PDCD6IP: variants seen among roughly 807,000 people sequenced by gnomAD.
PDCD6IP encodes programmed cell death 6-interacting protein.
PDCD6IP carries 43 observed loss-of-function variants against 103.7 expected under a neutral mutation model. The observed-to-expected ratio is 0.41, with a 90% CI of 0.32 to 0.53. The LOEUF (loss-of-function observed/expected upper bound fraction) is 0.53. Ranked by LOEUF, PDCD6IP falls within the 20% of genes least tolerant of loss-of-function variation. The pLI is 0.16. For synonymous variants in PDCD6IP, 354 were observed against 378.7 expected, an observed-to-expected ratio of 0.93 and a Z score of 0.76; for missense variants, 871 against 1,036.7, an observed-to-expected ratio of 0.84 and a Z score of 2.20.
chr3:33,827,317 C>T (rs1697148926), intron 6 of PDCD6IP: 1 of 585,298 alleles, frequency 1.7e-6, no homozygotes, highest in Admixed American at 6.3e-5. Flanking sequence ...GAATTAGTTT[C>T]ATCATATGGT....
chr3:33,834,054 A>C (rs1326392871), intron 7 of PDCD6IP, among the ~76,000 whole-genome samples: 2 of 152,008 alleles, frequency 1.3e-5, no homozygotes, highest in Non-Finnish European at 2.9e-5. Flanking sequence ...GCATTTTCTG[A>C]GTGCTTATGC....
rs143251497 is a variant in PDCD6IP at position 33,839,768 on chromosome 3, A to G, written c.1181+1441A>G. The stretch of plus-strand genomic sequence containing the variant: ...TTCTGCATCCTCACCAATACTTGGT[A>G]TGTCAGTCTTTTTAGTTTTAGCTAC... On this transcript the variant is annotated intron_variant, in intron 9 of 17. Transcript: ENST00000307296. Among the ~76,000 whole-genome samples, 578 of 152,314 alleles carry G rather than the reference A, an allele frequency of 3.8e-3. 2 individuals carry two copies. The highest frequency in any genetic ancestry group is 0.013 in the African/African-American group (544 of 41,572).
intron 6 of PDCD6IP, chr3:33,827,263 G>A (rs985399926): frequency 5.3e-5 from 48 of 910,674 alleles, no homozygotes; most frequent in African/African-American, 7.2e-5. Flanking sequence ...CTTAAAGATT[G>A]AGTGAAATAT....
intron 17 of PDCD6IP, 103 bp from the exon 18 acceptor site, chr3:33,866,248 A>C: frequency 3.9e-6 from 3 of 769,704 alleles, no homozygotes. Context: ...ATAGACTAAA[A>C]AATAGAAATG....
At chr3:33,827,197 C>T in intron 6 of PDCD6IP, 1 of 980,508 alleles carries the variant, frequency 1.0e-6, no homozygotes, top group African/African-American at 1.7e-5. Flanking sequence ...CAGTGATGAT[C>T]ATTTGTTAAT....
Position 33,867,581 on chromosome 3 carries a change from A to T in PDCD6IP, c.*1056A>T, listed in dbSNP as rs1041523913. ...GTATTTTATAATTCAAGGAGCATAC[A>T]AAACAATGGTTGGGAACATATGCCA... On this transcript the variant is annotated 3_prime_UTR_variant, in exon 18 of 18. Coordinates refer to ENST00000307296, the MANE Select transcript of PDCD6IP (RefSeq NM_013374.6). 1 of 152,350 alleles carries T rather than the reference A, an allele frequency of 6.6e-6. No homozygotes were observed. Among genetic ancestry groups the T allele is most frequent in the East Asian group, 1.9e-4 (1 of 5,188 alleles). 9.4% of individuals were successfully genotyped at this position (152,350 alleles called of 1,614,324 possible). A position where few individuals can be genotyped will look rare whatever the true frequency, so the allele number is the denominator to read the frequency against.
chr3:33,840,039 A>G (rs1280508953), intron 9 of PDCD6IP, among the ~76,000 whole-genome samples: 1 of 152,160 alleles, frequency 6.6e-6, no homozygotes, highest in Non-Finnish European at 1.5e-5. Flanking sequence ...CCTGAACAAC[A>G]TGGGGTTATG....
rs774172110 is a variant in PDCD6IP, at chr3:33,852,674, G to A, written c.1828G>A (p.Gly610Ser). Residue 610 changes from glycine to serine, a missense_variant, in exon 13 of 18, where the codon GGT (glycine) becomes AGT (serine). This residue lies in a region of PDCD6IP where 266 missense variants were observed against 390.5 expected (regional missense o/e 0.68). Coordinates refer to ENST00000307296, the MANE Select transcript of PDCD6IP (RefSeq NM_013374.6). ...TACTGAACTAGATCGAGTCTATGGA[G>A]GTCTTACAACTAAAGTCCAAGAATC... ...SVTELDRVYG[G>S]LTTKVQESLK... 2.5e-6 allele frequency: 4 copies of A among 1,588,262 alleles called. No individual in the cohort carries two copies. Among genetic ancestry groups the A allele is most frequent in the Non-Finnish European group, 3.4e-6 (4 of 1,173,412 alleles).
At chr3:33,835,355 C>T (rs972423813) in intron 7 of PDCD6IP, 3 of 453,132 alleles carry the variant, frequency 6.6e-6, no homozygotes, top group African/African-American at 2.0e-5. Flanking sequence ...GGTTTCCAGA[C>T]CCTTGTTTCA....
intron 1 of PDCD6IP, 128 bp downstream of exon 1, chr3:33,799,065 G>A: frequency 1.1e-6 from 1 of 893,540 alleles, no homozygotes; most frequent in Non-Finnish European, 1.7e-6. Flanking sequence ...GACCAGGCGC[G>A]TAGGTGTGGT....
chr3:33,861,379 G>C (rs549038053), intron 15 of PDCD6IP, among the ~76,000 whole-genome samples: 7 of 152,208 alleles, frequency 4.6e-5, no homozygotes, highest in African/African-American at 1.2e-4. Context: ...CTGACCTCCT[G>C]ATCCACCCGC....
At chr3:33,859,912 G>A (rs775901290) in intron 15 of PDCD6IP, among the ~76,000 whole-genome samples, 1 of 152,140 alleles carries the variant, frequency 6.6e-6, no homozygotes, top group Non-Finnish European at 1.5e-5. Context: ...CAGTAAAAAA[G>A]TAGAAACAAA....
intron 1 of PDCD6IP, among the ~76,000 whole-genome samples, chr3:33,807,557 CT>C (rs34521356): frequency 0.18 from 27,103 of 152,168 alleles, 2,799 homozygotes; most frequent in East Asian, 0.39. Flanking sequence ...CTACGGCCCC[CT>C]GGGGCAGGTG....
intron 11 of PDCD6IP, among the ~76,000 whole-genome samples, chr3:33,844,506 G>A (rs1292734554): frequency 6.6e-6 from 1 of 151,944 alleles, no homozygotes; most frequent in Non-Finnish European, 1.5e-5. Context: ...TTTGAGACAA[G>A]GTCTCGCTGT....
At position 33,845,470 on chromosome 3, in the gene PDCD6IP, A is replaced by G. The variant is rs200000172; in HGVS notation, c.1523A>G (p.Gln508Arg). The G allele has an allele frequency of 3.0e-5, 49 of 1,613,878 alleles. No homozygotes were observed. The Admixed American group carries it at 8.2e-4, about 27-fold the overall frequency. Reference sequence around the variant, plus strand: ...GATAAAGCTGTGCAGGCAGATGGACAAGTGAAAGAATGTTACCAGTCTCAT... The same window carrying G: ...GATAAAGCTGTGCAGGCAGATGGACGAGTGAAAGAATGTTACCAGTCTCAT... The part of the protein sequence containing the change: ...VLDKAVQADG[Q>R]VKECYQSHRD... Residue 508 changes from glutamine (Q) to arginine (R), a missense_variant, in exon 12 of 18, where the codon CAA becomes CGA. Coordinates refer to ENST00000307296, the MANE Select transcript of PDCD6IP (RefSeq NM_013374.6).
At chr3:33,840,513 A>T (rs1697445064) in intron 9 of PDCD6IP, among the ~76,000 whole-genome samples, 1 of 152,226 alleles carries the variant, frequency 6.6e-6, no homozygotes, top group African/African-American at 2.4e-5. Context: ...GGATTTTACC[A>T]TCATTTTTCT....
chr3:33,835,728 G>A (rs942080998), intron 7 of PDCD6IP, among the ~76,000 whole-genome samples: 1 of 151,754 alleles, frequency 6.6e-6, no homozygotes, highest in African/African-American at 2.4e-5. Flanking sequence ...TAAAAAAAAA[G>A]AAGGAAAAAA....
Position 33,828,842 on chromosome 3 carries a change from T to C in PDCD6IP, c.718-11T>C. 1 of 1,612,806 alleles carries C rather than the reference T, an allele frequency of 6.2e-7. No individual in the cohort carries two copies. The highest frequency in any genetic ancestry group is 8.5e-7 in the Non-Finnish European group (1 of 1,179,094). ...GTTGGACTCTCCCCTGGTCAGTATT[T>C]TTATTTCCAGGAGGTGTTCCCTGTC... On this transcript the variant is annotated splice_polypyrimidine_tract_variant and intron_variant, in intron 6 of 17. Transcript: ENST00000307296.
In PDCD6IP at chr3:33,798,681, A is replaced by C; in HGVS notation, c.-48A>C. ...GTACCTCTCTCTCCTCGGCCCTCGTAAGCTGTCCGCGGTCTGTTTGGCCCG... is the reference window on the plus strand; with the variant it reads ...GTACCTCTCTCTCCTCGGCCCTCGTCAGCTGTCCGCGGTCTGTTTGGCCCG... On this transcript the variant is annotated 5_prime_UTR_variant, in exon 1 of 18. Coordinates refer to ENST00000307296, the MANE Select transcript of PDCD6IP (RefSeq NM_013374.6). The C allele has an allele frequency of 6.8e-7, 1 of 1,473,204 alleles. No homozygotes were observed. The highest frequency in any genetic ancestry group is 1.3e-5 in the South Asian group (1 of 75,822). 91.3% of individuals were successfully genotyped at this position (1,473,204 alleles called of 1,614,324 possible).
Sources: gnomAD v4.1 joint callset for allele counts (sites outside exome capture counted in the v4.1 genomes callset) on GRCh38, gnomAD v4.1.1 for gene constraint, gnomAD v4.1.1 regional missense constraint, MANE v1.5 for transcripts, NCBI Gene and HGNC (gene_info 2026-07-23, HGNC 2026-07-21) for gene names.